Variants in ANK3 observed in about 807,000 individuals in gnomAD.
The protein encoded by ANK3 is ankyrin-3.
A neutral mutation model predicts 370.9 loss-of-function variants in ANK3; 57 were observed. That is an observed-to-expected ratio of 0.15 (90% CI 0.12 to 0.19). ANK3 has a LOEUF of 0.19. Among genes scored for constraint, ANK3 ranks in the 10% least tolerant of loss-of-function variants. The pLI is 1.00. For synonymous variants in ANK3, 1,929 were observed against 1,946.3 expected, an observed-to-expected ratio of 0.99 and a Z score of 0.23; for missense variants, 4,439 against 5,302.1, an observed-to-expected ratio of 0.84 and a Z score of 5.06.
At chr10:60,216,291 C>G (rs2096935746) in intron 8 of ANK3, among the ~76,000 whole-genome samples, 1 of 152,100 alleles carries the variant, frequency 6.6e-6, no homozygotes, top group Non-Finnish European at 1.5e-5. Flanking sequence ...GTCTGAACTT[C>G]CAACATTATG....
At chr10:60,435,008 A>G (rs2132987084) in intron 2 of ANK3, among the ~76,000 whole-genome samples, 1 of 152,350 alleles carries the variant, frequency 6.6e-6, no homozygotes, top group South Asian at 2.1e-4. Context: ...AACTATAAGC[A>G]TAACTCTGAA....
chr10:60,387,424 T>G (rs912886170), intron 1 of ANK3, among the ~76,000 whole-genome samples: 2 of 149,700 alleles, frequency 1.3e-5, no homozygotes, highest in Admixed American at 1.4e-4. Context: ...TCAAAATAAT[T>G]CAGTCTTAAC....
chr10:60,058,383 T>C (rs1378415990), intron 41 of ANK3, among the ~76,000 whole-genome samples: 1 of 149,306 alleles, frequency 6.7e-6, no homozygotes, highest in East Asian at 1.9e-4. Context: ...TAAAGACAAA[T>C]GTGACCAGGA....
chr10:60,227,470 T>G (rs901531284), intron 8 of ANK3, among the ~76,000 whole-genome samples: 7 of 152,168 alleles, frequency 4.6e-5, no homozygotes, highest in African/African-American at 9.6e-5. Context: ...CTGCAGTTTA[T>G]GATCAAATTT....
intron 1 of ANK3, among the ~76,000 whole-genome samples, chr10:60,669,593 C>T (rs931621655): frequency 6.6e-6 from 1 of 152,066 alleles, no homozygotes; most frequent in Non-Finnish European, 1.5e-5. Context: ...CCTTTCTGAC[C>T]ATATCTTAGC....
chr10:60,264,383 T>C (rs964116044), intron 5 of ANK3, among the ~76,000 whole-genome samples: 2 of 152,126 alleles, frequency 1.3e-5, no homozygotes, highest in African/African-American at 4.8e-5. Flanking sequence ...CGGTGGCTCA[T>C]GCCTGTAATC....
Position 60,084,832 on chromosome 10 carries a change from T to A in ANK3, c.3846-2A>T. On this transcript the variant is annotated splice_acceptor_variant, in intron 31 of 43. Coordinates refer to ENST00000280772, the MANE Select transcript of ANK3 (RefSeq NM_020987.5). LOFTEE classifies it high-confidence loss of function. ...TGATGGCAGTCTGCAAGCCAAAATC[T>A]GAGCAAAACAAAAAACAGAAGTATG... is the stretch of plus-strand genomic sequence containing the variant. The A allele has an allele frequency of 1.3e-6, 2 of 1,522,576 alleles. No homozygotes were observed. The highest frequency in any genetic ancestry group is 1.8e-6 in the Non-Finnish European group (2 of 1,139,674). 94.3% of individuals were successfully genotyped at this position (1,522,576 alleles called of 1,614,324 possible). A position where few individuals can be genotyped will look rare whatever the true frequency, so the allele number is the denominator to read the frequency against.
intron 2 of ANK3, among the ~76,000 whole-genome samples, chr10:60,550,068 C>T (rs2077055292): frequency 6.6e-6 from 1 of 152,012 alleles, no homozygotes; most frequent in African/African-American, 2.4e-5. Flanking sequence ...AAGAACAGAC[C>T]TGTTCAGTAA....
At chr10:60,490,911 G>A (rs1039722137) in intron 2 of ANK3, among the ~76,000 whole-genome samples, 10 of 152,124 alleles carry the variant, frequency 6.6e-5, no homozygotes, top group African/African-American at 2.2e-4. Context: ...CCTCAAGAAA[G>A]TTCTTCCCTG....
rs775504143 is a variant in ANK3, at chr10:60,263,910, G to T, written c.624C>A (p.Ile208=). The change falls in exon 6 of 44, where the codon ATC becomes ATA. Residue 208 remains isoleucine (I), a synonymous_variant. Transcript: ENST00000280772. ...KGKVRLPALH[I]AARKDDTKAA... is the part of the protein sequence containing the mutation. ...CTTTCGTGTCGTCTTTTCGGGCCGC[G>T]ATATGAAGAGCTGGGAGACGCACTT... The T allele has an allele frequency of 6.2e-7, 1 of 1,614,076 alleles. No individual in the cohort carries two copies. Among genetic ancestry groups the T allele is most frequent in the Non-Finnish European group, 8.5e-7 (1 of 1,180,008 alleles).
At chr10:60,697,890 C>T (rs1406064110) in intron 1 of ANK3, among the ~76,000 whole-genome samples, 1 of 151,178 alleles carries the variant, frequency 6.6e-6, no homozygotes, top group Non-Finnish European at 1.5e-5. Flanking sequence ...CAACAAAAGC[C>T]AAAATTGACA....
intron 8 of ANK3, among the ~76,000 whole-genome samples, chr10:60,225,202 C>T (rs7905722): frequency 0.17 from 26,008 of 152,020 alleles, 2,329 homozygotes; most frequent in African/African-American, 0.19. Context: ...CATGAGCCAC[C>T]GCACCCAGCC....
At chr10:60,605,396 G>A (rs1008435807) in intron 2 of ANK3, among the ~76,000 whole-genome samples, 10 of 151,568 alleles carry the variant, frequency 6.6e-5, no homozygotes, top group African/African-American at 1.7e-4. Flanking sequence ...GTTTGAGACC[G>A]GCCTAGGCAA....
intron 28 of ANK3, among the ~76,000 whole-genome samples, chr10:60,104,357 C>CAAAAAAAAAAAAAA (rs747064489): frequency 2.8e-4 from 15 of 53,758 alleles, no homozygotes; most frequent in Non-Finnish European, 4.4e-4. Context: ...GACTCCATCT[C>CAAAAAAAAAAAAAA]AAAAAAAAAA....
intron 1 of ANK3, among the ~76,000 whole-genome samples, chr10:60,634,932 G>A (rs1451247940): frequency 3.3e-5 from 5 of 152,136 alleles, no homozygotes; most frequent in Non-Finnish European, 5.9e-5. Context: ...CTGAACATCT[G>A]AAGGAACAAA....
intron 1 of ANK3, among the ~76,000 whole-genome samples, chr10:60,290,945 C>T (rs1303316630): frequency 2.0e-5 from 3 of 152,170 alleles, no homozygotes; most frequent in East Asian, 1.9e-4. Flanking sequence ...AAAACATACC[C>T]TCATCCAGTC....
chr10:60,182,856 A>G (rs931226521), intron 17 of ANK3, among the ~76,000 whole-genome samples: 4 of 152,228 alleles, frequency 2.6e-5, no homozygotes, highest in African/African-American at 9.6e-5. Context: ...AATTCAAGAA[A>G]AATAAGCCAG....
chr10:60,634,413 C>T (rs1447905836), intron 1 of ANK3, among the ~76,000 whole-genome samples: 2 of 152,046 alleles, frequency 1.3e-5, no homozygotes, highest in Admixed American at 6.6e-5. Flanking sequence ...CTTCCTGGGT[C>T]GAGTGGGGAC....
chr10:60,170,778 T>C (rs1325683653), intron 21 of ANK3, among the ~76,000 whole-genome samples: 1 of 152,330 alleles, frequency 6.6e-6, no homozygotes, highest in Middle Eastern at 3.4e-3. Context: ...TTTGAAGTTG[T>C]AACTTAATTT....
Sources: allele counts gnomAD v4.1 joint callset (sites outside exome capture counted in the v4.1 genomes callset), GRCh38; gene constraint gnomAD v4.1.1; transcripts MANE v1.5; gene names NCBI Gene and HGNC (gene_info 2026-07-23, HGNC 2026-07-21).